The following RNF144B variants were observed in gnomAD, a reference collection of about 807,000 sequenced individuals.
The protein encoded by RNF144B is ring finger protein 144B.
Under a neutral mutation model 40.2 loss-of-function variants are expected in RNF144B, and 25 were observed. The ratio of observed to expected loss-of-function variants is 0.62; its 90% CI spans 0.45 to 0.87. The LOEUF (loss-of-function observed/expected upper bound fraction) is 0.87. Among genes scored for constraint, RNF144B ranks in the 40% least tolerant of loss-of-function variants. The pLI, the probability that RNF144B is intolerant of heterozygous loss-of-function variation, is 0.00. For missense variants in RNF144B, 365 were observed against 373.7 expected (o/e 0.98, Z 0.19); for synonymous variants, 145 against 136.3 (o/e 1.06, Z -0.44).
chr6:18,435,308 C>T (rs1326233714), intron 3 of RNF144B, among the ~76,000 whole-genome samples: 2 of 152,140 alleles, frequency 1.3e-5, no homozygotes, highest in African/African-American at 4.8e-5. Flanking sequence ...ACCTAGGGAG[C>T]TTTGCTTTTA....
intron 3 of RNF144B, among the ~76,000 whole-genome samples, chr6:18,436,545 ACT>A (rs1361535818): frequency 6.6e-6 from 1 of 152,000 alleles, no homozygotes; most frequent in Non-Finnish European, 1.5e-5. Flanking sequence ...GCATTTGGTA[ACT>A]CTCTATACAA....
At chr6:18,403,789 A>G (rs9350070) in intron 2 of RNF144B, among the ~76,000 whole-genome samples, 35,451 of 152,016 alleles carry the variant, frequency 0.23, 4,383 homozygotes, top group Admixed American at 0.31. Flanking sequence ...CACGGTGCTG[A>G]CATCTACTTG....
rs562227151 is a variant in RNF144B at position 18,405,474 on chromosome 6, C to T, written c.165+5775C>T. Among the ~76,000 whole-genome samples, 6 of 152,116 alleles carry T rather than the reference C, an allele frequency of 3.9e-5. No individual in the cohort carries two copies. The South Asian group carries it at 6.2e-4, about 16-fold the overall frequency. On this transcript the variant is annotated intron_variant, in intron 2 of 7. Coordinates refer to ENST00000259939, the MANE Select transcript of RNF144B (RefSeq NM_182757.4). This position sits in a 1 kb window ranked among gnomAD's most constrained non-coding sequence, Gnocchi z 4.5. ...ATAGGCGTGAGCCACCGTGCCCAGCCGCAAGGTTAGTTTTATGCTTTCCCT... is the reference window on the plus strand; with the variant it reads ...ATAGGCGTGAGCCACCGTGCCCAGCTGCAAGGTTAGTTTTATGCTTTCCCT...
Position 18,401,452 on chromosome 6 carries a change from T to C in RNF144B, c.165+1753T>C, listed in dbSNP as rs79275651. On this transcript the variant is annotated intron_variant, in intron 2 of 7. Coordinates refer to ENST00000259939, the MANE Select transcript of RNF144B (RefSeq NM_182757.4). The stretch of plus-strand genomic sequence containing the variant: ...CTGAATGTTTTTTGGTATCCCTCAA[T>C]TTTGGATCCTTTTGCACCTAGAAAC... Among the ~76,000 whole-genome samples, 1,048 of 152,294 alleles carry C rather than the reference T, an allele frequency of 6.9e-3. 9 individuals are homozygous for C. Among genetic ancestry groups the C allele is most frequent in the Middle Eastern group, 0.017 (5 of 294 alleles).
chr6:18,453,137 CT>C (rs33972716), intron 4 of RNF144B, among the ~76,000 whole-genome samples: 25,815 of 102,478 alleles, frequency 0.25, 1,761 homozygotes, highest in East Asian at 0.42. Flanking sequence ...TTTCTGTCTG[CT>C]TTTTTTTTTT....
rs1474823514 is a variant in RNF144B at position 18,457,545 on chromosome 6, CCAGAGGAATCTTCCAGA to C, written c.536+187_536+203del. Among the ~76,000 whole-genome samples, 1 of 152,080 alleles carries C rather than the reference CCAGAGGAATCTTCCAGA, an allele frequency of 6.6e-6. No individual in the cohort carries two copies. Among genetic ancestry groups the C allele is most frequent in the Non-Finnish European group, 1.5e-5 (1 of 68,000 alleles). On this transcript the variant is annotated intron_variant, in intron 5 of 7. Transcript: ENST00000259939. This position sits in a 1 kb window ranked among gnomAD's most constrained non-coding sequence, Gnocchi z 5.1. ...AAAAAAGCATTTCTAGTTGTTTGCC[CCAGAGGAATCTTCCAGA>C]TATTGCTGGAATTAAAGTTTGTATG...
rs1226090312 is a variant in RNF144B at position 18,456,136 on chromosome 6, A to G, written c.332-1019A>G. On this transcript the variant is annotated intron_variant, in intron 4 of 7. Transcript: ENST00000259939. The surrounding 1 kb of genome is among the most constrained non-coding windows in gnomAD (Gnocchi z 4.7). The stretch of plus-strand genomic sequence containing the variant: ...ATGGTGTTTCACCCTGTTAGCCAGG[A>G]TGGTCTTGATCTCCTAACCTTGTGA... Among the ~76,000 whole-genome samples the G allele has an allele frequency of 6.6e-6, 1 of 152,070 alleles. No homozygotes were observed. Among genetic ancestry groups the G allele is most frequent in the Non-Finnish European group, 1.5e-5 (1 of 68,006 alleles).
chr6:18,409,159 C>G (rs1038101985), intron 2 of RNF144B, among the ~76,000 whole-genome samples: 3 of 151,812 alleles, frequency 2.0e-5, no homozygotes, highest in Non-Finnish European at 4.4e-5. Flanking sequence ...GGGTGGATCA[C>G]TTGGGGCCAG....
chr6:18,419,370 T>C lies in RNF144B; in HGVS notation c.166-8211T>C, dbSNP rs532951964. Among the ~76,000 whole-genome samples, 40 of 152,246 alleles carry C rather than the reference T, an allele frequency of 2.6e-4. No individual in the cohort carries two copies. Among genetic ancestry groups the C allele is most frequent in the Non-Finnish European group, 5.1e-4 (35 of 68,002 alleles). On this transcript the variant is annotated intron_variant, in intron 2 of 7. Transcript: ENST00000259939. This position sits in a 1 kb window ranked among gnomAD's most constrained non-coding sequence, Gnocchi z 4.6. ...ACTGGCCTTTTGGGATATATTCTCCTGAGAGCAAATAGGCAGTGGACTAGC... is the reference window on the plus strand; with the variant it reads ...ACTGGCCTTTTGGGATATATTCTCCCGAGAGCAAATAGGCAGTGGACTAGC...
intron 3 of RNF144B, among the ~76,000 whole-genome samples, chr6:18,428,637 G>A (rs1348185721): frequency 6.6e-6 from 1 of 152,056 alleles, no homozygotes; most frequent in Non-Finnish European, 1.5e-5. Flanking sequence ...GACATCCCAA[G>A]AAACAGATGA....
Position 18,425,180 on chromosome 6 carries a change from A to T in RNF144B, c.166-2401A>T, listed in dbSNP as rs769215725. 1.3e-5 allele frequency among the ~76,000 whole-genome samples: 2 copies of T among 152,196 alleles called. No individual in the cohort carries two copies. The highest frequency in any genetic ancestry group is 2.9e-5 in the Non-Finnish European group (2 of 68,030). On this transcript the variant is annotated intron_variant, in intron 2 of 7. Transcript: ENST00000259939. The surrounding 1 kb of genome is among the most constrained non-coding windows in gnomAD (Gnocchi z 4.2). Reference sequence around the variant, plus strand: ...AGTCATTTTCCCATTGTCACCTAGTAAAGTGGACCCTCCACCCAGGTGTTA... The same window carrying T: ...AGTCATTTTCCCATTGTCACCTAGTTAAGTGGACCCTCCACCCAGGTGTTA...
intron 1 of RNF144B, chr6:18,396,378 G>T (rs1794694523): frequency 1.0e-6 from 1 of 956,996 alleles, no homozygotes; most frequent in African/African-American, 1.8e-5. Context: ...TTTTTCAAGA[G>T]TACATTAAAA....
At chr6:18,463,027 C>T (rs1385411094) in intron 6 of RNF144B, among the ~76,000 whole-genome samples, 1 of 151,882 alleles carries the variant, frequency 6.6e-6, no homozygotes, top group Non-Finnish European at 1.5e-5. Flanking sequence ...AGCTACCTTG[C>T]TAAGATAAGT....
chr6:18,427,727 G>A (rs1325820282), intron 3 of RNF144B, 42 bp downstream of exon 3: 2 of 1,248,170 alleles, frequency 1.6e-6, no homozygotes, highest in South Asian at 2.5e-5. Context: ...TCCTATTTAT[G>A]TTATTTATTA....
In RNF144B at chr6:18,400,101, C is replaced by A. The variant is rs946996365; in HGVS notation, c.165+402C>A. 6.6e-6 allele frequency among the ~76,000 whole-genome samples: 1 copy of A among 152,002 alleles called. No individual in the cohort carries two copies. Among genetic ancestry groups the A allele is most frequent in the Admixed American group, 6.6e-5 (1 of 15,256 alleles). ...CCTAGCTAACATGGTAAAACCCCGT[C>A]TCTACTAAAAATACAAAAGAAATTA... is the stretch of plus-strand genomic sequence containing the variant. On this transcript the variant is annotated intron_variant, in intron 2 of 7. Coordinates refer to ENST00000259939, the MANE Select transcript of RNF144B (RefSeq NM_182757.4). This position sits in a 1 kb window ranked among gnomAD's most constrained non-coding sequence, Gnocchi z 5.6.
Position 18,457,205 on chromosome 6 carries a change from A to G in RNF144B, c.382A>G (p.Thr128Ala), listed in dbSNP as rs1759350188. 1.2e-6 allele frequency: 2 copies of G among 1,614,108 alleles called. No individual in the cohort carries two copies. Among genetic ancestry groups the G allele is most frequent in the Non-Finnish European group, 1.7e-6 (2 of 1,180,010 alleles). The change falls in exon 5 of 8, where the codon ACA becomes GCA. Residue 128 changes from threonine (T) to alanine (A), a missense_variant. Coordinates refer to ENST00000259939, the MANE Select transcript of RNF144B (RefSeq NM_182757.4). The surrounding 1 kb of genome is among the most constrained non-coding windows in gnomAD (Gnocchi z 5.1). Reference sequence around the variant, plus strand: ...ATGGTGTCCTGTTGCAGACTGTCAGACAGTGTGCCCTGTTGCCTCGAGTGA... The same window carrying G: ...ATGGTGTCCTGTTGCAGACTGTCAGGCAGTGTGCCCTGTTGCCTCGAGTGA... ...RTWCPVADCQTVCPVASSDPG... is the reference protein window; with the variant it reads ...RTWCPVADCQAVCPVASSDPG...
chr6:18,438,159 C>T (rs1237379638), intron 3 of RNF144B, among the ~76,000 whole-genome samples: 1 of 152,178 alleles, frequency 6.6e-6, no homozygotes, highest in Non-Finnish European at 1.5e-5. Flanking sequence ...AGGAACTGAA[C>T]TCTGGTTCCT....
intron 6 of RNF144B, among the ~76,000 whole-genome samples, chr6:18,461,023 T>A (rs563409521): frequency 6.6e-6 from 1 of 152,322 alleles, no homozygotes; most frequent in East Asian, 1.9e-4. Context: ...AAGCGATTTG[T>A]GTAGTGCTTT....
Position 18,398,347 on chromosome 6 carries a change from G to T in RNF144B, c.-36-1152G>T. Among the ~76,000 whole-genome samples the T allele has an allele frequency of 6.6e-6, 1 of 151,846 alleles. No homozygotes were observed. The highest frequency in any genetic ancestry group is 1.9e-4 in the East Asian group (1 of 5,182). ...TTCTTTTTATTCCACTGTATATATA[G>T]ACCACATTTTGTTTGTTCTTCTGTC... On this transcript the variant is annotated intron_variant, in intron 1 of 7. Coordinates refer to ENST00000259939, the MANE Select transcript of RNF144B (RefSeq NM_182757.4). This position sits in a 1 kb window ranked among gnomAD's most constrained non-coding sequence, Gnocchi z 5.0.
Sources: gnomAD v4.1 joint callset for allele counts (sites outside exome capture counted in the v4.1 genomes callset) on GRCh38, gnomAD v4.1.1 for gene constraint, Gnocchi (gnomAD v3.1) non-coding constraint, MANE v1.5 for transcripts, NCBI Gene and HGNC (gene_info 2026-07-23, HGNC 2026-07-21) for gene names.